HERC4: variants seen among roughly 807,000 people sequenced by gnomAD.
The protein encoded by HERC4 is probable E3 ubiquitin-protein ligase HERC4.
A neutral mutation model predicts 124.3 loss-of-function variants in HERC4; 28 were observed. The ratio of observed to expected loss-of-function variants is 0.23; its 90% CI spans 0.17 to 0.31. HERC4 has a LOEUF of 0.31. Among genes scored for constraint, HERC4 ranks in the 10% least tolerant of loss-of-function variants. The probability of loss-of-function intolerance (pLI) is 1.00; values close to 1 mark genes in which losing one functional copy is unlikely to be tolerated. For missense variants in HERC4, 713 were observed against 1,229.3 expected (o/e 0.58, Z 6.28); for synonymous variants, 407 against 421.5 (o/e 0.97, Z 0.42).
chr10:67,989,749 G>A (rs769250181), intron 14 of HERC4, among the ~76,000 whole-genome samples: 25 of 151,908 alleles, frequency 1.6e-4, no homozygotes, highest in Non-Finnish European at 3.2e-4. Flanking sequence ...AAGATCAGAT[G>A]AGCAATAAAA....
Position 67,923,129 on chromosome 10 carries a change from T to G in HERC4, c.2952A>C (p.Thr984=), listed in dbSNP as rs1313622002. The G allele has an allele frequency of 1.2e-6, 2 of 1,611,120 alleles. No individual in the cohort carries two copies. The highest frequency in any genetic ancestry group is 1.1e-5 in the South Asian group (1 of 90,806). Residue 984 remains threonine (T), a synonymous_variant, in exon 25 of 25, where the codon ACA becomes ACC. Coordinates refer to ENST00000373700, the MANE Select transcript of HERC4 (RefSeq NM_015601.4). ...CAAGAATAGGAATGCGATCACTACC[T>G]GTCAAAAATACTGCCAAGAAAGAAA... The part of the protein sequence containing the change: ...EKKKQFLLFL[T]GSDRIPILGM...
At chr10:68,035,764 T>C (rs1461660391) in intron 5 of HERC4, among the ~76,000 whole-genome samples, 2 of 152,130 alleles carry the variant, frequency 1.3e-5, no homozygotes, top group Admixed American at 1.3e-4. Context: ...CTTGCTGTTC[T>C]CTCTACCTAA....
At chr10:68,020,327 T>C (rs2038533800) in intron 8 of HERC4, among the ~76,000 whole-genome samples, 1 of 150,984 alleles carries the variant, frequency 6.6e-6, no homozygotes, top group African/African-American at 2.4e-5. Flanking sequence ...ATAGAAACTA[T>C]CCCTGAGAAA....
rs372192622 is a variant in HERC4 at position 67,932,654 on chromosome 10, A to G, written c.2781T>C (p.Asn927=). 1.2e-5 allele frequency: 20 copies of G among 1,609,936 alleles called. No individual in the cohort carries two copies. Among genetic ancestry groups the G allele is most frequent in the Non-Finnish European group, 1.7e-5 (20 of 1,178,908 alleles). The change falls in exon 23 of 25, where the codon AAT becomes AAC. Residue 927 remains asparagine, a synonymous_variant. Coordinates refer to ENST00000373700, the MANE Select transcript of HERC4 (RefSeq NM_015601.4). ...TTCCAATGACCATTGCTTGTAGTTC[A>G]TTAGGCTGAAAGAGCAGAAGGACTT... The part of the protein sequence containing the change: ...GGKVLLLFQP[N]ELQAMVIGNT...
intron 7 of HERC4, among the ~76,000 whole-genome samples, chr10:68,030,501 C>G (rs1480380677): frequency 6.6e-6 from 1 of 152,112 alleles, no homozygotes; most frequent in Non-Finnish European, 1.5e-5. Flanking sequence ...TATTTTGGTC[C>G]CTTTCTTACA....
intron 15 of HERC4, among the ~76,000 whole-genome samples, chr10:67,971,974 G>T (rs773287184): frequency 6.6e-6 from 1 of 152,130 alleles, no homozygotes; most frequent in East Asian, 1.9e-4. Context: ...AGCACTTTGG[G>T]AGGCTGAGGC....
At chr10:68,025,408 G>T in intron 8 of HERC4, 138 bp downstream of exon 8, 1 of 823,958 alleles carries the variant, frequency 1.2e-6, no homozygotes, top group Non-Finnish European at 1.9e-6. Context: ...CTGTTACTAT[G>T]ACTCCTCAGT....
At chr10:68,010,585 T>C (rs1420981563) in intron 9 of HERC4, 1 of 1,205,378 alleles carries the variant, frequency 8.3e-7, no homozygotes, top group African/African-American at 1.5e-5. Flanking sequence ...GTTCGCTTTC[T>C]CTTTCAGGCC....
rs1453182002 is a variant in HERC4 at position 67,966,737 on chromosome 10, C to G, written c.1872G>C (p.Leu624Phe). The G allele has an allele frequency of 6.2e-7, 1 of 1,603,244 alleles. No homozygotes were observed. The highest frequency in any genetic ancestry group is 1.7e-5 in the Admixed American group (1 of 59,400). ...DKFYIHEVQE[L>F]IDIRNDYINW... ...TGATATAATCATTTCTTATGTCTAT[C>G]AATTCTTGTACTTCATGTATATAAA... The change falls in exon 16 of 25, where the codon TTG becomes TTC. Residue 624 changes from leucine (L) to phenylalanine (F), a missense_variant. Leu to Phe is a conservative substitution (Grantham distance 22). Coordinates refer to ENST00000373700, the MANE Select transcript of HERC4 (RefSeq NM_015601.4).
At chr10:67,929,836 G>T (rs1340414527) in intron 23 of HERC4, among the ~76,000 whole-genome samples, 11 of 127,810 alleles carry the variant, frequency 8.6e-5, no homozygotes, top group Admixed American at 7.9e-4. Flanking sequence ...TTTTGAGATG[G>T]AGTTTCACTC....
intron 4 of HERC4, chr10:68,040,087 C>T (rs41278494): frequency 2.3e-6 from 2 of 886,378 alleles, no homozygotes; most frequent in Non-Finnish European, 1.4e-6. Flanking sequence ...ATTAATAGTA[C>T]GTAATGAATA....
At chr10:67,967,677 T>C (rs1450682814) in intron 15 of HERC4, among the ~76,000 whole-genome samples, 9 of 152,200 alleles carry the variant, frequency 5.9e-5, no homozygotes, top group Non-Finnish European at 7.3e-5. Context: ...AATGAAATAT[T>C]ATGTTCTTGG....
At chr10:67,946,396 CAA>C (rs1554901955) in intron 19 of HERC4, among the ~76,000 whole-genome samples, 3 of 142,166 alleles carry the variant, frequency 2.1e-5, no homozygotes, top group East Asian at 2.1e-4. Flanking sequence ...CACACACACA[CAA>C]GACCCAATGA....
At chr10:68,009,067 T>TA (rs1020438992) in intron 9 of HERC4, among the ~76,000 whole-genome samples, 1 of 151,850 alleles carries the variant, frequency 6.6e-6, no homozygotes, top group African/African-American at 2.4e-5. Context: ...ATAAAAATAC[T>TA]AAAAAAATTA....
chr10:68,001,941 T>C (rs1234156848), intron 9 of HERC4, among the ~76,000 whole-genome samples: 2 of 152,188 alleles, frequency 1.3e-5, no homozygotes, highest in Non-Finnish European at 2.9e-5. Flanking sequence ...ATATTTTTTT[T>C]CACTCATTCA....
intron 3 of HERC4, among the ~76,000 whole-genome samples, chr10:68,058,215 A>AT (rs1564605057): frequency 4.6e-5 from 7 of 152,154 alleles, no homozygotes. Context: ...TAAACAAATA[A>AT]TTTTTTAAAA....
chr10:67,988,547 A>G (rs983424667), intron 15 of HERC4, 116 bp downstream of exon 15: 2 of 689,370 alleles, frequency 2.9e-6, no homozygotes, highest in Admixed American at 6.5e-5. Flanking sequence ...CCAAATTTCT[A>G]TAATATGCAT....
Position 67,954,631 on chromosome 10 carries a change from A to G in HERC4, c.2301T>C (p.Tyr767=). The part of the protein sequence containing the change: ...LLDPKYGMFR[Y]YEDSRLIWFS... Reference sequence around the variant, plus strand: ...ACCAAATGAGCCTGGAATCTTCATAATACCTAAACATGCCGTATTTAGGAT... The same window carrying G: ...ACCAAATGAGCCTGGAATCTTCATAGTACCTAAACATGCCGTATTTAGGAT... Residue 767 remains tyrosine (Y), a synonymous_variant, in exon 19 of 25, where the codon TAT becomes TAC. Transcript: ENST00000373700. 6.2e-7 allele frequency: 1 copy of G among 1,613,394 alleles called. No homozygotes were observed. The highest frequency in any genetic ancestry group is 1.3e-5 in the African/African-American group (1 of 75,032).
intron 3 of HERC4, among the ~76,000 whole-genome samples, chr10:68,061,083 A>C (rs546812168): frequency 1.8e-4 from 27 of 152,166 alleles, no homozygotes; most frequent in Non-Finnish European, 1.8e-4. Context: ...CAACAGCATT[A>C]TCGCAAAAGG....
Sources: allele counts gnomAD v4.1 joint callset (sites outside exome capture counted in the v4.1 genomes callset), GRCh38; gene constraint gnomAD v4.1.1; transcripts MANE v1.5; gene names NCBI Gene and HGNC (gene_info 2026-07-23, HGNC 2026-07-21).